Variants in MIGA1 observed in about 807,000 individuals in gnomAD.
The protein encoded by MIGA1 is family with sequence similarity 73, member A.
In MIGA1, 58 loss-of-function variants were observed where a neutral mutation model predicts 82.0. The observed-to-expected ratio is 0.71, with a 90% CI of 0.57 to 0.88. The LOEUF (loss-of-function observed/expected upper bound fraction) is 0.88. Among genes scored for constraint, MIGA1 ranks in the 40% least tolerant of loss-of-function variants. MIGA1 has a pLI of 0.00. For missense variants in MIGA1, 751 were observed against 749.1 expected (o/e 1.00, Z -0.03); for synonymous variants, 249 against 253.6 (o/e 0.98, Z 0.17).
intron 14 of MIGA1, among the ~76,000 whole-genome samples, chr1:77,871,941 G>C (rs139281602): frequency 6.8e-4 from 104 of 152,030 alleles, no homozygotes; most frequent in African/African-American, 2.5e-3. Flanking sequence ...TAGCATTCTT[G>C]TTGTTGCTTC....
chr1:77,792,993 G>A (rs1237618028), intron 2 of MIGA1, among the ~76,000 whole-genome samples: 9 of 152,024 alleles, frequency 5.9e-5, no homozygotes, highest in Admixed American at 3.3e-4. Context: ...GTTTTACCAC[G>A]TTGGCCAGCC....
chr1:77,823,239 A>G (rs1683898319), intron 7 of MIGA1, among the ~76,000 whole-genome samples: 1 of 152,166 alleles, frequency 6.6e-6, no homozygotes, highest in Admixed American at 6.5e-5. Flanking sequence ...AGCAGATCCA[A>G]AAAACTTCTG....
At chr1:77,788,414 A>G (rs946191171) in intron 2 of MIGA1, among the ~76,000 whole-genome samples, 3 of 152,214 alleles carry the variant, frequency 2.0e-5, no homozygotes, top group African/African-American at 7.2e-5. Context: ...CTGGGATTAC[A>G]GGCATGAACC....
chr1:77,811,871 A>G, intron 5 of MIGA1: 1 of 1,454,390 alleles, frequency 6.9e-7, no homozygotes, highest in South Asian at 1.5e-5. Flanking sequence ...CCCGACATTA[A>G]CAGGGCCAGG....
In MIGA1 at chr1:77,879,121, T is replaced by C. The variant is rs1646916842; in HGVS notation, c.*4057T>C. On this transcript the variant is annotated 3_prime_UTR_variant, in exon 16 of 16. Transcript: ENST00000370791. ...ATAATCAGAAATTTTAAATTATGTT[T>C]ATATAACCCATTTACTTTTATTTTA... is the stretch of plus-strand genomic sequence containing the variant. 6.1e-6 allele frequency: 1 copy of C among 163,194 alleles called. No individual in the cohort carries two copies. Among genetic ancestry groups the C allele is most frequent in the Non-Finnish European group, 1.3e-5 (1 of 75,458 alleles). 10.1% of individuals were successfully genotyped at this position (163,194 alleles called of 1,614,324 possible).
intron 12 of MIGA1, chr1:77,861,575 C>A: frequency 2.5e-6 from 1 of 395,460 alleles, no homozygotes; most frequent in Non-Finnish European, 4.6e-6. Flanking sequence ...TTCCCTTGTT[C>A]CCTCTCTTCC....
chr1:77,802,794 AAAAAAACCAAGAAACT>A (rs777790154), intron 3 of MIGA1, among the ~76,000 whole-genome samples: 24 of 152,074 alleles, frequency 1.6e-4, no homozygotes, highest in Non-Finnish European at 2.5e-4. Context: ...AAAAGGAAAA[AAAAAAACCAAGAAACT>A]AATGTCAGTC....
intron 14 of MIGA1, among the ~76,000 whole-genome samples, chr1:77,868,810 GTTTA>G (rs1685775421): frequency 6.6e-6 from 1 of 151,952 alleles, no homozygotes; most frequent in Non-Finnish European, 1.5e-5. Context: ...AATTAGGGCA[GTTTA>G]TTTAACCCCT....
At chr1:77,837,042 A>G (rs879933700) in intron 7 of MIGA1, among the ~76,000 whole-genome samples, 5 of 152,214 alleles carry the variant, frequency 3.3e-5, no homozygotes, top group East Asian at 1.9e-4. Context: ...CTCAAAAACT[A>G]TAAGCTGAAT....
At chr1:77,844,113 A>AAATATAT (rs1296124524) in intron 8 of MIGA1, among the ~76,000 whole-genome samples, 174 of 90,028 alleles carry the variant, frequency 1.9e-3, no homozygotes, top group African/African-American at 6.4e-3. Context: ...AAAAAAAAAA[A>AAATATAT]ATATATATAT....
intron 8 of MIGA1, among the ~76,000 whole-genome samples, chr1:77,846,863 C>T (rs776134325): frequency 2.0e-5 from 3 of 152,024 alleles, no homozygotes; most frequent in Non-Finnish European, 4.4e-5. Context: ...AGGAGAATGG[C>T]GTGAACCTGG....
At chr1:77,858,853 C>A in intron 8 of MIGA1, 85 bp from the exon 9 acceptor site, 1 of 753,136 alleles carries the variant, frequency 1.3e-6, no homozygotes, top group Non-Finnish European at 2.3e-6. Context: ...CTTCTGGGTT[C>A]AAATGATCCT....
intron 2 of MIGA1, among the ~76,000 whole-genome samples, chr1:77,797,509 T>C (rs1261831679): frequency 6.6e-6 from 1 of 152,204 alleles, no homozygotes; most frequent in East Asian, 1.9e-4. Flanking sequence ...AAAATAAGCT[T>C]ATCAGTAACT....
chr1:77,871,124 A>AC (rs1557940617), intron 14 of MIGA1, among the ~76,000 whole-genome samples: 3 of 2,574 alleles, frequency 1.2e-3, no homozygotes, highest in African/African-American at 4.3e-3. Context: ...GGAGAGGGAG[A>AC]GGAGGGAGAG....
chr1:77,827,229 C>A (rs1684065089), intron 7 of MIGA1, among the ~76,000 whole-genome samples: 2 of 152,098 alleles, frequency 1.3e-5, no homozygotes. Context: ...CTCCCGACTA[C>A]CACGCCTGAC....
intron 2 of MIGA1, among the ~76,000 whole-genome samples, chr1:77,784,825 G>A (rs1319670823): frequency 1.3e-5 from 2 of 152,134 alleles, no homozygotes; most frequent in African/African-American, 4.8e-5. Flanking sequence ...GGTGGAAGGT[G>A]AAAATCACAT....
At chr1:77,869,530 C>T (rs1035354748) in intron 14 of MIGA1, among the ~76,000 whole-genome samples, 1 of 135,376 alleles carries the variant, frequency 7.4e-6, no homozygotes, top group Admixed American at 7.1e-5. Flanking sequence ...CGGGCAGAAG[C>T]GCCCCTCACC....
intron 2 of MIGA1, among the ~76,000 whole-genome samples, chr1:77,790,891 C>G (rs750217004): frequency 6.6e-6 from 1 of 152,012 alleles, no homozygotes; most frequent in African/African-American, 2.4e-5. Flanking sequence ...CCTGGCCCCT[C>G]GCACCATTCC....
At chr1:77,866,037 C>CG (rs1557936790) in intron 13 of MIGA1, among the ~76,000 whole-genome samples, 1 of 152,048 alleles carries the variant, frequency 6.6e-6, no homozygotes, top group Non-Finnish European at 1.5e-5. Context: ...CTCAGCCTCC[C>CG]GAGTATCTGG....
Sources: allele counts gnomAD v4.1 joint callset (sites outside exome capture counted in the v4.1 genomes callset), GRCh38; gene constraint gnomAD v4.1.1; transcripts MANE v1.5; gene names NCBI Gene and HGNC (gene_info 2026-07-23, HGNC 2026-07-21).